The following CEP250 variants were observed in gnomAD, a reference collection of about 807,000 sequenced individuals.
The protein encoded by CEP250 is centrosomal protein 250.
In CEP250, 242 loss-of-function variants were observed where a neutral mutation model predicts 315.7. That is an observed-to-expected ratio of 0.77 (90% CI 0.69 to 0.85). The LOEUF is 0.85. Ranked by LOEUF, CEP250 falls within the 40% of genes least tolerant of loss-of-function variation. The pLI is 0.00. For missense variants in CEP250, 2,515 were observed against 2,886.4 expected (o/e 0.87, Z 2.95); for synonymous variants, 1,088 against 1,175.0 (o/e 0.93, Z 1.51).
chr20:35,478,080 A>T lies in CEP250; in HGVS notation c.2073A>T (p.Glu691Asp). The change falls in exon 17 of 35, where the codon GAA (glutamate) becomes GAT (aspartate). Residue 691 changes from glutamate (E) to aspartate (D), a missense_variant. Physicochemically the swap from Glu to Asp is conservative, Grantham distance 45. Coordinates refer to ENST00000397527, the MANE Select transcript of CEP250 (RefSeq NM_007186.6). ...GGGACATCCAAGAAGAGAAGGAAGA[A>T]ATTCAAAAGAAACTAAGTGAGGTGA... ...DLRDIQEEKE[E>D]IQKKLSESRH... 6.2e-7 allele frequency: 1 copy of T among 1,613,822 alleles called. No homozygotes were observed. The highest frequency in any genetic ancestry group is 8.5e-7 in the Non-Finnish European group (1 of 1,179,840).
At position 35,511,669 on chromosome 20, in the gene CEP250, G is replaced by C. The variant is rs1234085807; in HGVS notation, c.*43G>C. ...ACACAGACAGAAGACTGTGTCATGG[G>C]TCATGGCCCCTCCGCACACCTACAG... On this transcript the variant is annotated 3_prime_UTR_variant, in exon 35 of 35. Coordinates refer to ENST00000397527, the MANE Select transcript of CEP250 (RefSeq NM_007186.6). 43 of 1,570,568 alleles carry C rather than the reference G, an allele frequency of 2.7e-5. No homozygotes were observed. Among genetic ancestry groups the C allele is most frequent in the African/African-American group, 4.0e-5 (3 of 74,118 alleles).
rs2378356 is a variant in CEP250 at position 35,513,324 on chromosome 20, G to A, written c.*1698G>A. The A allele has an allele frequency of 0.18, 27,586 of 150,880 alleles. 2,627 individuals are homozygous for A. The highest frequency in any genetic ancestry group is 0.29 in the South Asian group (1,399 of 4,760). 9.3% of individuals were successfully genotyped at this position (150,880 alleles called of 1,614,324 possible). Reference sequence around the variant, plus strand: ...GGCTGGAGTGCAGTGACGTAATCTCGGCTCACCAGTGGCAACATCCACCTC... The same window carrying A: ...GGCTGGAGTGCAGTGACGTAATCTCAGCTCACCAGTGGCAACATCCACCTC... On this transcript the variant is annotated 3_prime_UTR_variant, in exon 35 of 35. Coordinates refer to ENST00000397527, the MANE Select transcript of CEP250 (RefSeq NM_007186.6).
At chr20:35,498,793 T>A in intron 27 of CEP250, 77 bp downstream of exon 27, 6 of 1,458,388 alleles carry the variant, frequency 4.1e-6, no homozygotes, top group Admixed American at 2.7e-5. Context: ...TGAAGCAGTT[T>A]GACCTGTTTT....
At chr20:35,456,675 G>C (rs2062634909) in intron 1 of CEP250, among the ~76,000 whole-genome samples, 1 of 152,048 alleles carries the variant, frequency 6.6e-6, no homozygotes, top group South Asian at 2.1e-4. Context: ...CTAATGTAAT[G>C]TTCATGCTTT....
At chr20:35,508,308 A>T in intron 32 of CEP250, 118 bp downstream of exon 32, 1 of 1,153,210 alleles carries the variant, frequency 8.7e-7, no homozygotes, top group Non-Finnish European at 1.2e-6. Context: ...GTTTCTGAAA[A>T]TTAAGTTTGT....
At chr20:35,460,417 A>G (rs1568750187) in intron 3 of CEP250, among the ~76,000 whole-genome samples, 1 of 152,232 alleles carries the variant, frequency 6.6e-6, no homozygotes, top group Non-Finnish European at 1.5e-5. Flanking sequence ...GAAATATGCT[A>G]TCATTGTGAG....
chr20:35,474,173 G>T, intron 14 of CEP250, 121 bp downstream of exon 14: 1 of 820,110 alleles, frequency 1.2e-6, no homozygotes. Flanking sequence ...AGTGGGTTCA[G>T]ATTAGCTTGC....
chr20:35,508,268 A>G, intron 32 of CEP250, 78 bp downstream of exon 32: 1 of 1,480,416 alleles, frequency 6.8e-7, no homozygotes, highest in South Asian at 1.2e-5. Context: ...AGTAAATTAC[A>G]GCCTGTGGGC....
chr20:35,474,136 A>G (rs1180251181), intron 14 of CEP250, 84 bp downstream of exon 14: 2 of 1,181,676 alleles, frequency 1.7e-6, no homozygotes, highest in Admixed American at 6.6e-5. Flanking sequence ...TCTGTTACAA[A>G]GTAGAGTATG....
chr20:35,478,119 A>T lies in CEP250; in HGVS notation c.2094+18A>T. ...TAAGTGAGGTGAGAAGCCAAAATGGACACCATCATGTCTAGGTGTAATATA... is the reference window on the plus strand; with the variant it reads ...TAAGTGAGGTGAGAAGCCAAAATGGTCACCATCATGTCTAGGTGTAATATA... On this transcript the variant is annotated intron_variant, in intron 17 of 34. Transcript: ENST00000397527. 6.6e-7 allele frequency: 1 copy of T among 1,510,986 alleles called. No individual in the cohort carries two copies. Among genetic ancestry groups the T allele is most frequent in the Non-Finnish European group, 9.2e-7 (1 of 1,087,698 alleles). The allele number at this position is 1,510,986 out of a possible 1,614,324, so 93.6% of individuals were successfully genotyped here. A position where few individuals can be genotyped will look rare whatever the true frequency, so the allele number is the denominator to read the frequency against.
chr20:35,502,775 A>G lies in CEP250; in HGVS notation c.4406A>G (p.Asn1469Ser). 3.1e-6 allele frequency: 5 copies of G among 1,614,232 alleles called. No homozygotes were observed. Among genetic ancestry groups the G allele is most frequent in the Non-Finnish European group, 4.2e-6 (5 of 1,180,032 alleles). The change falls in exon 30 of 35, where the codon AAC becomes AGC. Residue 1469 changes from asparagine to serine, a missense_variant. Transcript: ENST00000397527. Reference protein sequence around the residue: ...ELLSLDLKKRNQEVDLQQEQI... With the variant: ...ELLSLDLKKRSQEVDLQQEQI... The stretch of plus-strand genomic sequence containing the variant: ...CTGTCTCTGGACCTGAAGAAGAGGA[A>G]CCAAGAGGTAGATCTGCAGCAAGAA...
chr20:35,481,947 G>A (rs920747380), intron 20 of CEP250, among the ~76,000 whole-genome samples: 8 of 152,068 alleles, frequency 5.3e-5, no homozygotes, highest in Admixed American at 2.0e-4. Context: ...CGATCCACCC[G>A]CCCTTGGCCT....
chr20:35,507,448 A>G (rs2064218542), intron 30 of CEP250, among the ~76,000 whole-genome samples: 1 of 152,192 alleles, frequency 6.6e-6, no homozygotes. Flanking sequence ...TTCCCACAGC[A>G]CATCAGTGCT....
At chr20:35,496,094 G>A (rs895840111) in intron 24 of CEP250, among the ~76,000 whole-genome samples, 5 of 152,154 alleles carry the variant, frequency 3.3e-5, no homozygotes, top group Admixed American at 3.3e-4. Flanking sequence ...GTGGACAGGG[G>A]AGGAGAGGAA....
rs989019033 is a variant in CEP250, at chr20:35,472,937, A to G, written c.1209+106A>G. ...GACTATCCCTTTCACTTTTTTGACC[A>G]GTCATGAGGTGTTCTGTCAATATCC... On this transcript the variant is annotated intron_variant, in intron 12 of 34. Coordinates refer to ENST00000397527, the MANE Select transcript of CEP250 (RefSeq NM_007186.6). 15 of 1,105,726 alleles carry G rather than the reference A, an allele frequency of 1.4e-5. No homozygotes were observed. The African/African-American group carries it at 1.9e-4, about 14-fold the overall frequency. 68.5% of individuals were successfully genotyped at this position (1,105,726 alleles called of 1,614,324 possible).
intron 22 of CEP250, among the ~76,000 whole-genome samples, chr20:35,492,340 CTG>C (rs931785163): frequency 6.6e-6 from 1 of 152,092 alleles, no homozygotes; most frequent in South Asian, 2.1e-4. Context: ...TGGGGATTGA[CTG>C]TGAATGGGCA....
intron 22 of CEP250, 135 bp from the exon 23 acceptor site, chr20:35,493,294 A>T: frequency 1.3e-6 from 1 of 791,174 alleles, no homozygotes; most frequent in Non-Finnish European, 2.0e-6. Flanking sequence ...GAGGAGAGGG[A>T]CTAGGAAGTG....
rs1029182454 is a variant in CEP250 at position 35,455,692 on chromosome 20, G to C, written c.-357G>C. ...GCCTTCTCCAGGCGCAGCTGCATTC[G>C]CTTCTCGGTTTTTGCACTCGCTGTG... On this transcript the variant is annotated 5_prime_UTR_variant, in exon 1 of 35. Transcript: ENST00000397527. 2.0e-5 allele frequency: 3 copies of C among 152,174 alleles called. No homozygotes were observed. The highest frequency in any genetic ancestry group is 7.2e-5 in the African/African-American group (3 of 41,434). 9.4% of individuals were successfully genotyped at this position (152,174 alleles called of 1,614,324 possible). A position where few individuals can be genotyped will look rare whatever the true frequency, so the allele number is the denominator to read the frequency against.
At chr20:35,476,200 G>A (rs913966595) in intron 15 of CEP250, 2 of 379,920 alleles carry the variant, frequency 5.3e-6, no homozygotes, top group Non-Finnish European at 9.6e-6. Context: ...AGCACTTTGT[G>A]CTTACATTTT....
Sources: allele counts gnomAD v4.1 joint callset (sites outside exome capture counted in the v4.1 genomes callset), GRCh38; gene constraint gnomAD v4.1.1; transcripts MANE v1.5; gene names NCBI Gene and HGNC (gene_info 2026-07-23, HGNC 2026-07-21).